USH2A: variants seen among roughly 807,000 people sequenced by gnomAD.
USH2A encodes the protein Usher syndrome 2A (autosomal recessive, mild).
In USH2A, 443 loss-of-function variants were observed where a neutral mutation model predicts 538.9. The observed-to-expected ratio is 0.82, with a 90% CI of 0.76 to 0.89. The LOEUF is 0.89. USH2A is among the 40% of genes least tolerant of loss of function. USH2A has a pLI of 0.00. For synonymous variants in USH2A, 2,413 were observed against 2,273.5 expected, an observed-to-expected ratio of 1.06 and a Z score of -1.75; for missense variants, 6,633 against 6,324.8, an observed-to-expected ratio of 1.05 and a Z score of -1.65.
intron 20 of USH2A, 66 bp from the exon 21 acceptor site, chr1:216,175,548 C>G: frequency 7.1e-7 from 1 of 1,401,820 alleles, no homozygotes; most frequent in Non-Finnish European, 1.0e-6. Flanking sequence ...CACATATTCA[C>G]ATATACGTAT....
At chr1:215,750,731 C>G (rs927420012) in intron 58 of USH2A, among the ~76,000 whole-genome samples, 9 of 152,128 alleles carry the variant, frequency 5.9e-5, no homozygotes, top group Non-Finnish European at 8.8e-5. Flanking sequence ...TGGACTCACA[C>G]CCATGAGGGT....
At chr1:215,916,431 A>G (rs1665957150) in intron 38 of USH2A, among the ~76,000 whole-genome samples, 1 of 152,110 alleles carries the variant, frequency 6.6e-6, no homozygotes, top group African/African-American at 2.4e-5. Flanking sequence ...TACAACCTGA[A>G]GGTGGTACAA....
chr1:215,979,903 A>G (rs1667709120), intron 35 of USH2A, among the ~76,000 whole-genome samples: 1 of 152,166 alleles, frequency 6.6e-6, no homozygotes, highest in African/African-American at 2.4e-5. Flanking sequence ...GTGTGAGGAT[A>G]AGAAGAAACC....
intron 61 of USH2A, among the ~76,000 whole-genome samples, chr1:215,709,770 T>C (rs1283288189): frequency 1.3e-5 from 2 of 152,116 alleles, no homozygotes; most frequent in African/African-American, 2.4e-5. Flanking sequence ...AGAATGTAGT[T>C]GGAGACAAAA....
chr1:216,078,805 A>G (rs2031840997), intron 26 of USH2A, among the ~76,000 whole-genome samples: 1 of 152,142 alleles, frequency 6.6e-6, no homozygotes, highest in Non-Finnish European at 1.5e-5. Context: ...CAATAAGAAA[A>G]TGAAATGTCA....
intron 33 of USH2A, among the ~76,000 whole-genome samples, chr1:215,999,452 T>C (rs962420696): frequency 1.3e-5 from 2 of 152,106 alleles, no homozygotes; most frequent in African/African-American, 4.8e-5. Context: ...AATATGTAAT[T>C]AGAGAAAACA....
chr1:215,810,842 C>T (rs1662650127), intron 49 of USH2A, among the ~76,000 whole-genome samples: 1 of 152,168 alleles, frequency 6.6e-6, no homozygotes, highest in South Asian at 2.1e-4. Context: ...TTTACTTTTT[C>T]TTAAGTGGAA....
chr1:215,832,138 C>T, intron 47 of USH2A, among the ~76,000 whole-genome samples: 1 of 151,818 alleles, frequency 6.6e-6, no homozygotes. Context: ...GAATTGAATT[C>T]CAAGTTAAAA....
intron 41 of USH2A, among the ~76,000 whole-genome samples, chr1:215,882,419 T>C (rs1265735779): frequency 1.4e-5 from 2 of 139,508 alleles, no homozygotes; most frequent in African/African-American, 5.1e-5. Flanking sequence ...TAAATATTTG[T>C]TGAAATAAAG....
chr1:216,143,752 A>G (rs1179387442), intron 21 of USH2A, among the ~76,000 whole-genome samples: 1 of 152,210 alleles, frequency 6.6e-6, no homozygotes, highest in Non-Finnish European at 1.5e-5. Flanking sequence ...ACGTAAAATC[A>G]ATTACTGTAT....
In USH2A at chr1:215,898,513, A is replaced by T. The variant is rs79344888; in HGVS notation, c.7594+1562T>A. Among the ~76,000 whole-genome samples the T allele has an allele frequency of 3.9e-3, 589 of 152,186 alleles. 5 individuals carry two copies. The highest frequency in any genetic ancestry group is 0.014 in the African/African-American group (565 of 41,532). On this transcript the variant is annotated intron_variant, in intron 40 of 71. Transcript: ENST00000307340. ...GCAGGTCATGGCCCTCATTCAGTGA[A>T]AATTGTGGGGAGATTACCGCTGAGG...
chr1:215,796,600 C>G (rs1662144190), intron 50 of USH2A, among the ~76,000 whole-genome samples: 1 of 152,128 alleles, frequency 6.6e-6, no homozygotes, highest in Admixed American at 6.6e-5. Context: ...CTTTCTCCCT[C>G]TCCTCAGGCC....
intron 20 of USH2A, 105 bp downstream of exon 20, chr1:216,190,118 G>C: frequency 1.4e-6 from 2 of 1,479,318 alleles, no homozygotes; most frequent in Middle Eastern, 2.0e-4. Flanking sequence ...GTTAGTGAGG[G>C]AGGAGAAGAC....
chr1:216,159,122 A>G (rs2034004504), intron 21 of USH2A, among the ~76,000 whole-genome samples: 1 of 152,198 alleles, frequency 6.6e-6, no homozygotes, highest in Non-Finnish European at 1.5e-5. Flanking sequence ...ATCAATAAAA[A>G]TAATGACATC....
intron 61 of USH2A, among the ~76,000 whole-genome samples, chr1:215,725,866 C>A (rs1230246127): frequency 6.6e-6 from 1 of 152,000 alleles, no homozygotes; most frequent in African/African-American, 2.4e-5. Context: ...AAAAATAGAG[C>A]CTAGAAGATT....
chr1:215,677,419 G>C (rs767261081), intron 62 of USH2A, among the ~76,000 whole-genome samples: 2 of 151,984 alleles, frequency 1.3e-5, no homozygotes. Context: ...TCCACCTATT[G>C]CTCCATTTCT....
In USH2A at chr1:215,676,397, G is replaced by C. The variant is rs74141287; in HGVS notation, c.12295-781C>G. Reference sequence around the variant, plus strand: ...GGGAAGTAAGTTAATCTGAATGCAGGTGTTTTTGAACAGTGATTTTCCAAC... The same window carrying C: ...GGGAAGTAAGTTAATCTGAATGCAGCTGTTTTTGAACAGTGATTTTCCAAC... On this transcript the variant is annotated intron_variant, in intron 62 of 71. Transcript: ENST00000307340. 8.3e-3 allele frequency among the ~76,000 whole-genome samples: 1,258 copies of C among 152,206 alleles called. 24 individuals carry two copies. The highest frequency in any genetic ancestry group is 0.027 in the African/African-American group (1,112 of 41,512).
At chr1:215,717,093 T>A (rs1659508038) in intron 61 of USH2A, among the ~76,000 whole-genome samples, 1 of 152,128 alleles carries the variant, frequency 6.6e-6, no homozygotes, top group Non-Finnish European at 1.5e-5. Context: ...ACTTTGTCTA[T>A]GGAGGGGAAT....
At position 216,048,685 on chromosome 1, in the gene USH2A, C is replaced by T. The variant is rs1284859826; in HGVS notation, c.6050-38G>A. On this transcript the variant is annotated intron_variant, in intron 30 of 71. Coordinates refer to ENST00000307340, the MANE Select transcript of USH2A (RefSeq NM_206933.4). Reference sequence around the variant, plus strand: ...GGGACAAAAGAGGGTTGCGTGTTTACCATAAGCATCAATAAAGAGCATTGT... The same window carrying T: ...GGGACAAAAGAGGGTTGCGTGTTTATCATAAGCATCAATAAAGAGCATTGT... The T allele has an allele frequency of 2.0e-6, 3 of 1,526,106 alleles. No individual in the cohort carries two copies. The South Asian group carries it at 3.4e-5, about 17-fold the overall frequency. 94.5% of individuals were successfully genotyped at this position (1,526,106 alleles called of 1,614,324 possible).
Sources: gnomAD v4.1 joint callset for allele counts (sites outside exome capture counted in the v4.1 genomes callset) on GRCh38, gnomAD v4.1.1 for gene constraint, MANE v1.5 for transcripts, NCBI Gene and HGNC (gene_info 2026-07-23, HGNC 2026-07-21) for gene names.